MYO3B: variants seen among roughly 807,000 people sequenced by gnomAD.
MYO3B encodes myosin IIIB.
A neutral mutation model predicts 174.6 loss-of-function variants in MYO3B; 156 were observed. The observed-to-expected ratio is 0.89, with a 90% confidence interval of 0.78 to 1.02. The LOEUF is 1.02. Ranked by LOEUF, MYO3B falls within the 50% of genes least tolerant of loss-of-function variation. The pLI is 0.00. For synonymous variants in MYO3B, 563 were observed against 569.1 expected, an observed-to-expected ratio of 0.99 and a Z score of 0.15; for missense variants, 1,632 against 1,639.4, an observed-to-expected ratio of 1.00 and a Z score of 0.08.
At chr2:170,442,917 G>T (rs969369225) in intron 22 of MYO3B, among the ~76,000 whole-genome samples, 1 of 152,134 alleles carries the variant, frequency 6.6e-6, no homozygotes, top group African/African-American at 2.4e-5. Context: ...GGATGTTTGG[G>T]TTGGTTCCAA....
chr2:170,330,515 A>G (rs1025409920), intron 7 of MYO3B, among the ~76,000 whole-genome samples: 2 of 152,120 alleles, frequency 1.3e-5, no homozygotes, highest in Non-Finnish European at 2.9e-5. Flanking sequence ...TTCCTATTTA[A>G]TAGGATTATT....
At chr2:170,597,283 A>G (rs1364300449) in intron 32 of MYO3B, among the ~76,000 whole-genome samples, 6 of 151,572 alleles carry the variant, frequency 4.0e-5, no homozygotes, top group African/African-American at 1.5e-4. Flanking sequence ...AAGCAGGAGA[A>G]TCGCTTGAGC....
intron 32 of MYO3B, among the ~76,000 whole-genome samples, chr2:170,607,448 T>C (rs1012436740): frequency 2.6e-5 from 4 of 152,236 alleles, no homozygotes; most frequent in African/African-American, 9.6e-5. Flanking sequence ...CTGGGGGTTA[T>C]GGCAGAGACT....
rs187946823 is a variant in MYO3B at position 170,438,921 on chromosome 2, C to T, written c.2651-5046C>T. ...TGCTGGGATTACAGGTGTGAGCCAC[C>T]GTGCCCGGCCAAGGATGAGGTAATA... On this transcript the variant is annotated intron_variant, in intron 22 of 34. Coordinates refer to ENST00000408978, the MANE Select transcript of MYO3B (RefSeq NM_138995.5). Among the ~76,000 whole-genome samples the T allele has an allele frequency of 2.0e-3, 309 of 151,910 alleles. 1 individual carries two copies. The highest frequency in any genetic ancestry group is 7.1e-3 in the African/African-American group (293 of 41,438).
chr2:170,401,796 C>CTTTTTATTT, intron 18 of MYO3B, 105 bp downstream of exon 18: 4 of 794,012 alleles, frequency 5.0e-6, no homozygotes, highest in Non-Finnish European at 7.5e-6. Flanking sequence ...GATTTTCTTT[C>CTTTTTATTT]TTTTTCTTTT....
At chr2:170,505,052 A>G (rs1265426532) in intron 28 of MYO3B, among the ~76,000 whole-genome samples, 2 of 152,170 alleles carry the variant, frequency 1.3e-5, no homozygotes, top group African/African-American at 4.8e-5. Context: ...CTGCGGGCCC[A>G]AACAGTTCAC....
chr2:170,623,218 A>C (rs1287161933), intron 32 of MYO3B, among the ~76,000 whole-genome samples: 1 of 152,140 alleles, frequency 6.6e-6, no homozygotes, highest in Non-Finnish European at 1.5e-5. Context: ...ATTTCTCCAC[A>C]TCCTCTCCAG....
intron 32 of MYO3B, among the ~76,000 whole-genome samples, chr2:170,588,533 T>G (rs1693633720): frequency 6.6e-6 from 1 of 152,180 alleles, no homozygotes; most frequent in Non-Finnish European, 1.5e-5. Flanking sequence ...CCTCCTGAAT[T>G]GCTATGCCAG....
intron 25 of MYO3B, among the ~76,000 whole-genome samples, chr2:170,478,972 T>G (rs368631364): frequency 1.3e-5 from 2 of 150,526 alleles, no homozygotes; most frequent in African/African-American, 4.9e-5. Context: ...GTATATATAT[T>G]TTAAAAACCT....
At chr2:170,647,515 CA>C (rs1407100991) in intron 32 of MYO3B, among the ~76,000 whole-genome samples, 1 of 152,116 alleles carries the variant, frequency 6.6e-6, no homozygotes, top group Non-Finnish European at 1.5e-5. Context: ...AGATTTCTTC[CA>C]ATGGCAAAGC....
At chr2:170,563,279 A>G (rs1691863415) in intron 32 of MYO3B, among the ~76,000 whole-genome samples, 1 of 152,182 alleles carries the variant, frequency 6.6e-6, no homozygotes, top group South Asian at 2.1e-4. Flanking sequence ...GTGAAACCAT[A>G]AAGGATAGTG....
intron 32 of MYO3B, among the ~76,000 whole-genome samples, chr2:170,610,245 C>A (rs893456586): frequency 1.9e-5 from 2 of 105,954 alleles, no homozygotes; most frequent in African/African-American, 3.5e-5. Context: ...GAGGCTGAGG[C>A]AGGAGAATGG....
At chr2:170,428,813 A>G (rs2094685993) in intron 22 of MYO3B, among the ~76,000 whole-genome samples, 1 of 152,242 alleles carries the variant, frequency 6.6e-6, no homozygotes, top group African/African-American at 2.4e-5. Flanking sequence ...GTGCAGAACC[A>G]CTGATCTTCT....
chr2:170,372,118 C>CAAAAAAAAAAAAAAAA (rs769243145), intron 9 of MYO3B, among the ~76,000 whole-genome samples: 6 of 22,210 alleles, frequency 2.7e-4, no homozygotes, highest in Admixed American at 8.0e-4. Flanking sequence ...GACCCTGTCT[C>CAAAAAAAAAAAAAAAA]AAAAAAAAAA....
intron 32 of MYO3B, among the ~76,000 whole-genome samples, chr2:170,638,201 A>C (rs1006818424): frequency 1.3e-5 from 2 of 152,024 alleles, no homozygotes; most frequent in Non-Finnish European, 2.9e-5. Context: ...ATGTGTAAAA[A>C]TATTTTATAA....
chr2:170,569,047 G>A (rs1457579883), intron 32 of MYO3B, among the ~76,000 whole-genome samples: 1 of 152,176 alleles, frequency 6.6e-6, no homozygotes, highest in African/African-American at 2.4e-5. Context: ...GGTGGGTAGG[G>A]GGAGAGAAAA....
At chr2:170,548,387 A>G (rs567639462) in intron 32 of MYO3B, among the ~76,000 whole-genome samples, 2 of 152,316 alleles carry the variant, frequency 1.3e-5, no homozygotes, top group South Asian at 2.1e-4. Context: ...ATCTAGATAC[A>G]ATGAAGATTC....
At chr2:170,652,731 A>G (rs950704648) in intron 34 of MYO3B, among the ~76,000 whole-genome samples, 2 of 152,210 alleles carry the variant, frequency 1.3e-5, no homozygotes, top group Admixed American at 6.5e-5. Context: ...GCAAGTTGCA[A>G]TACGACCACA....
intron 25 of MYO3B, among the ~76,000 whole-genome samples, chr2:170,489,180 T>G (rs1390177466): frequency 6.6e-6 from 1 of 152,180 alleles, no homozygotes; most frequent in Non-Finnish European, 1.5e-5. Flanking sequence ...CTTGGGCCAA[T>G]TGCCTTCTCT....
Sources: gnomAD v4.1 joint callset for allele counts (sites outside exome capture counted in the v4.1 genomes callset) on GRCh38, gnomAD v4.1.1 for gene constraint, MANE v1.5 for transcripts, NCBI Gene and HGNC (gene_info 2026-07-23, HGNC 2026-07-21) for gene names.